The following SAMD5 variants were observed in gnomAD, a reference collection of about 807,000 sequenced individuals.
The protein encoded by SAMD5 is sterile alpha motif domain-containing protein 5.
Under a neutral mutation model 11.3 loss-of-function variants are expected in SAMD5, and 13 were observed. The observed-to-expected ratio is 1.15, with a 90% CI of 0.75 to 1.83. SAMD5 has a LOEUF of 1.83. Ranked by LOEUF, SAMD5 falls within the 40% of genes most tolerant of loss-of-function variation. SAMD5 has a pLI of 0.00. For synonymous variants in SAMD5, 129 were observed against 111.3 expected (o/e 1.16, Z -1.00); for missense variants, 255 against 239.1 (o/e 1.07, Z -0.44).
chr6:147,725,882 T>A (rs1029852594), intron 1 of SAMD5, among the ~76,000 whole-genome samples: 14 of 152,108 alleles, frequency 9.2e-5, no homozygotes, highest in Admixed American at 4.6e-4. Flanking sequence ...TACTATTTTT[T>A]AAAAAGGAGA....
the SAMD5 span, among the ~76,000 whole-genome samples, chr6:147,929,941 T>A: frequency 6.6e-6 from 1 of 152,204 alleles, no homozygotes; most frequent in South Asian, 2.1e-4. Context: ...GGTACAGCAT[T>A]TAAAATGTAT....
At chr6:147,911,760 T>A in the SAMD5 span, among the ~76,000 whole-genome samples, 1 of 152,242 alleles carries the variant, frequency 6.6e-6, no homozygotes, top group Admixed American at 6.5e-5. Flanking sequence ...CATGTGTTAT[T>A]ATTTATGAAT....
the SAMD5 span, among the ~76,000 whole-genome samples, chr6:147,770,837 C>T: frequency 1.3e-5 from 2 of 152,128 alleles, no homozygotes; most frequent in Admixed American, 6.5e-5. Context: ...GTTATTTAAA[C>T]TTTAGGAACT....
chr6:147,840,699 C>A, the SAMD5 span, among the ~76,000 whole-genome samples: 1 of 152,182 alleles, frequency 6.6e-6, no homozygotes, highest in Non-Finnish European at 1.5e-5. Flanking sequence ...TAACTTAATT[C>A]TTTGTAACTC....
chr6:147,800,625 C>T, the SAMD5 span, among the ~76,000 whole-genome samples: 2 of 152,318 alleles, frequency 1.3e-5, no homozygotes, highest in African/African-American at 2.4e-5. Flanking sequence ...CTGCTTTGCC[C>T]ATCCTATTTT....
At chr6:147,732,773 T>G (rs1791737410) in intron 1 of SAMD5, among the ~76,000 whole-genome samples, 1 of 152,216 alleles carries the variant, frequency 6.6e-6, no homozygotes, top group South Asian at 2.1e-4. Flanking sequence ...CTCCTGTGCT[T>G]GTAATCAGCC....
intron 1 of SAMD5, among the ~76,000 whole-genome samples, chr6:147,647,838 G>GA (rs1790427785): frequency 6.6e-6 from 1 of 152,276 alleles, no homozygotes; most frequent in Admixed American, 6.5e-5. Context: ...ACCCTCTTCT[G>GA]AAAATGTAGC....
At chr6:147,679,318 G>A (rs1279178970) in intron 1 of SAMD5, among the ~76,000 whole-genome samples, 1 of 152,072 alleles carries the variant, frequency 6.6e-6, no homozygotes, top group Non-Finnish European at 1.5e-5. Flanking sequence ...CAATGCTTGG[G>A]ATGGCCAGAC....
At chr6:147,900,354 C>T in the SAMD5 span, among the ~76,000 whole-genome samples, 1 of 152,198 alleles carries the variant, frequency 6.6e-6, no homozygotes. Context: ...CTGAAACATG[C>T]AAGGAATTTG....
intron 1 of SAMD5, among the ~76,000 whole-genome samples, chr6:147,697,950 GT>G (rs1791199774): frequency 6.6e-6 from 1 of 152,180 alleles, no homozygotes. Flanking sequence ...ATGGAAGACA[GT>G]TTTTCCAGAG....
chr6:147,814,121 G>A, the SAMD5 span, among the ~76,000 whole-genome samples: 1 of 152,274 alleles, frequency 6.6e-6, no homozygotes, highest in East Asian at 1.9e-4. Flanking sequence ...ACTTCAGAAA[G>A]ATGCCTACAT....
intron 1 of SAMD5, chr6:147,660,623 C>G (rs1473196544): frequency 6.6e-6 from 1 of 152,196 alleles, no homozygotes; most frequent in Non-Finnish European, 1.5e-5. Context: ...GATCTCCCAC[C>G]CTCGCTGTTC....
intron 1 of SAMD5, among the ~76,000 whole-genome samples, chr6:147,627,804 CA>C (rs1379291067): frequency 1.3e-5 from 2 of 151,566 alleles, no homozygotes; most frequent in East Asian, 1.9e-4. Flanking sequence ...AAATTTGTCT[CA>C]AAAAAAAGGA....
the SAMD5 span, among the ~76,000 whole-genome samples, chr6:147,773,788 G>T: frequency 6.6e-6 from 1 of 152,144 alleles, no homozygotes; most frequent in Non-Finnish European, 1.5e-5. Context: ...GTGGTTCATA[G>T]ATGCTGTCTT....
At chr6:147,519,534 C>T (rs1788220441) in intron 1 of SAMD5, among the ~76,000 whole-genome samples, 1 of 152,140 alleles carries the variant, frequency 6.6e-6, no homozygotes, top group South Asian at 2.1e-4. Flanking sequence ...ATAAAAACTT[C>T]AAGTGGTCAC....
chr6:147,749,633 G>A, the SAMD5 span, among the ~76,000 whole-genome samples: 22 of 152,288 alleles, frequency 1.4e-4, no homozygotes, highest in Non-Finnish European at 1.5e-4. Flanking sequence ...GAATATGACC[G>A]GGTTAGAGTG....
chr6:147,688,740 G>A (rs773225255), intron 1 of SAMD5, among the ~76,000 whole-genome samples: 1 of 152,196 alleles, frequency 6.6e-6, no homozygotes, highest in Admixed American at 6.5e-5. Context: ...GATTTTGCTT[G>A]TTAAGTCTTT....
chr6:147,866,297 G>A, the SAMD5 span, among the ~76,000 whole-genome samples: 1 of 152,148 alleles, frequency 6.6e-6, no homozygotes, highest in African/African-American at 2.4e-5. Flanking sequence ...TTGCTGAGGA[G>A]TTTGAAGCTT....
the SAMD5 span, among the ~76,000 whole-genome samples, chr6:147,760,634 A>G: frequency 4.3e-4 from 65 of 152,346 alleles, no homozygotes; most frequent in African/African-American, 1.5e-3. Context: ...TATTGAGAGC[A>G]CTGATGTTGA....
Sources: allele counts gnomAD v4.1 joint callset (sites outside exome capture counted in the v4.1 genomes callset), GRCh38; gene constraint gnomAD v4.1.1; transcripts MANE v1.5; gene names NCBI Gene and HGNC (gene_info 2026-07-23, HGNC 2026-07-21).